The following INSM1 variants were observed in gnomAD, a reference collection of about 807,000 sequenced individuals.
The protein encoded by INSM1 is INSM transcriptional repressor 1.
A neutral mutation model predicts 21.1 loss-of-function variants in INSM1; 11 were observed. That is an observed-to-expected ratio of 0.52 (90% CI 0.33 to 0.86). The LOEUF (loss-of-function observed/expected upper bound fraction) is 0.86, where lower values mean the gene tolerates loss of function less well. INSM1 is among the 40% of genes least tolerant of loss of function. The pLI is 0.03. For synonymous variants in INSM1, 473 were observed against 386.1 expected (o/e 1.23, Z -2.64); for missense variants, 843 against 760.1 (o/e 1.11, Z -1.28).
chr20:20,368,984 C>T lies in INSM1; in HGVS notation c.717C>T (p.Pro239=). ...TCGAGGACGAGGTGACCACGTCGCC[C>T]GTGCTGGGGCTCAAGATCAAGGAGG... The part of the protein sequence containing the change: ...LHFEDEVTTS[P]VLGLKIKEGP... The change falls in exon 1 of 1, where the codon CCC becomes CCT. Residue 239 remains proline (P), a synonymous_variant. Transcript: ENST00000310227. This position sits in a 1 kb window ranked among gnomAD's most constrained non-coding sequence, Gnocchi z 4.3. The T allele has an allele frequency of 1.3e-6, 2 of 1,548,350 alleles. No homozygotes were observed. Among genetic ancestry groups the T allele is most frequent in the Non-Finnish European group, 1.7e-6 (2 of 1,150,032 alleles).
Position 20,368,239 on chromosome 20 carries a change from C to G in INSM1, c.-29C>G. 12 of 1,168,560 alleles carry G rather than the reference C, an allele frequency of 1.0e-5. No homozygotes were observed. The highest frequency in any genetic ancestry group is 1.3e-5 in the Non-Finnish European group (12 of 940,146). The allele number at this position is 1,168,560 out of a possible 1,614,324, so 72.4% of individuals were successfully genotyped here. Reference sequence around the variant, plus strand: ...GGCCGAGCGCGGAGGGGGGACCGAGCCAGTGCCGTGCCCTCGGGCCGCGCC... The same window carrying G: ...GGCCGAGCGCGGAGGGGGGACCGAGGCAGTGCCGTGCCCTCGGGCCGCGCC... On this transcript the variant is annotated 5_prime_UTR_variant, in exon 1 of 1. Transcript: ENST00000310227. This position sits in a 1 kb window ranked among gnomAD's most constrained non-coding sequence, Gnocchi z 4.3.
chr20:20,369,431 G>C lies in INSM1; in HGVS notation c.1164G>C (p.Ala388=), dbSNP rs538411838. The change falls in exon 1 of 1, where the codon GCG becomes GCC. Residue 388 remains alanine, a synonymous_variant. Coordinates refer to ENST00000310227, the MANE Select transcript of INSM1 (RefSeq NM_002196.3). The surrounding 1 kb of genome is among the most constrained non-coding windows in gnomAD (Gnocchi z 5.6). ...CCTACCTACGCAAGCACCTGCTGGC[G>C]CACCACCAGGCGCTGCAGGCCAAGG... ...RQAYLRKHLL[A]HHQALQAKGA... 3 of 1,545,440 alleles carry C rather than the reference G, an allele frequency of 1.9e-6. No individual in the cohort carries two copies. Among genetic ancestry groups the C allele is most frequent in the African/African-American group, 1.4e-5 (1 of 71,266 alleles).
In INSM1 at chr20:20,369,121, A is replaced by G; in HGVS notation, c.854A>G (p.His285Arg). The change falls in exon 1 of 1, where the codon CAC becomes CGC. Residue 285 changes from histidine (H) to arginine (R), a missense_variant. Physicochemically the swap from His to Arg is conservative, Grantham distance 29. Coordinates refer to ENST00000310227, the MANE Select transcript of INSM1 (RefSeq NM_002196.3). The surrounding 1 kb of genome is among the most constrained non-coding windows in gnomAD (Gnocchi z 5.6). ...EYADPFALAQ[H>R]KCSRIVRVEY... ...GCCGACCCGTTCGCGCTGGCGCAGC[A>G]CAAATGCTCGCGCATCGTGCGTGTG... is the stretch of plus-strand genomic sequence containing the variant. The G allele has an allele frequency of 6.3e-7, 1 of 1,586,302 alleles. No individual in the cohort carries two copies. Among genetic ancestry groups the G allele is most frequent in the Non-Finnish European group, 8.5e-7 (1 of 1,171,756 alleles).
chr20:20,370,835 T>C lies in INSM1; in HGVS notation c.*1035T>C, dbSNP rs1485699969. 1 of 167,068 alleles carries C rather than the reference T, an allele frequency of 6.0e-6. No individual in the cohort carries two copies. The highest frequency in any genetic ancestry group is 2.1e-4 in the South Asian group (1 of 4,830). 10.3% of individuals were successfully genotyped at this position (167,068 alleles called of 1,614,324 possible). On this transcript the variant is annotated 3_prime_UTR_variant, in exon 1 of 1. Coordinates refer to ENST00000310227, the MANE Select transcript of INSM1 (RefSeq NM_002196.3). ...CGACAGCTCTTACTTTTAAATGCAA[T>C]CTCTTTTCTACATACATTATTTTCT...
In INSM1 at chr20:20,369,906, C is replaced by T. The variant is rs1952655979; in HGVS notation, c.*106C>T. On this transcript the variant is annotated 3_prime_UTR_variant, in exon 1 of 1. Transcript: ENST00000310227. The surrounding 1 kb of genome is among the most constrained non-coding windows in gnomAD (Gnocchi z 5.6). ...CCGAGTCCGCGCTGGGGGAGCCTCG[C>T]CCCCGCCCCCACCGGGTGAAAGTGT... The T allele has an allele frequency of 2.1e-6, 2 of 931,582 alleles. No individual in the cohort carries two copies. Among genetic ancestry groups the T allele is most frequent in the African/African-American group, 1.7e-5 (1 of 58,094 alleles). 57.7% of individuals were successfully genotyped at this position (931,582 alleles called of 1,614,324 possible).
At position 20,369,818 on chromosome 20, in the gene INSM1, G is replaced by T. The variant is rs751593238; in HGVS notation, c.*18G>T. ...CCTGCTAGAGCGCGCCCTCCACCCC[G>T]GCCCCCGAACTGTGCCTTCGCTTGG... On this transcript the variant is annotated 3_prime_UTR_variant, in exon 1 of 1. Coordinates refer to ENST00000310227, the MANE Select transcript of INSM1 (RefSeq NM_002196.3). The surrounding 1 kb of genome is among the most constrained non-coding windows in gnomAD (Gnocchi z 5.6). The T allele has an allele frequency of 6.4e-7, 1 of 1,571,098 alleles. No individual in the cohort carries two copies. Among genetic ancestry groups the T allele is most frequent in the Non-Finnish European group, 8.6e-7 (1 of 1,157,734 alleles).
rs1219779434 is a variant in INSM1 at position 20,368,801 on chromosome 20, G to A, written c.534G>A (p.Glu178=). The A allele has an allele frequency of 3.7e-6, 4 of 1,094,910 alleles. No homozygotes were observed. The highest frequency in any genetic ancestry group is 2.3e-6 in the Non-Finnish European group (2 of 879,976). 67.8% of individuals were successfully genotyped at this position (1,094,910 alleles called of 1,614,324 possible). The change falls in exon 1 of 1, where the codon GAG becomes GAA. Residue 178 remains glutamate, a synonymous_variant. Transcript: ENST00000310227. The surrounding 1 kb of genome is among the most constrained non-coding windows in gnomAD (Gnocchi z 4.3). Reference sequence around the variant, plus strand: ...GCACGGCGTTCTCGGCTGGCGCCGAGGCGGCCCGCGGCCCGGGCCCCGGCC... The same window carrying A: ...GCACGGCGTTCTCGGCTGGCGCCGAAGCGGCCCGCGGCCCGGGCCCCGGCC... ...KMGTAFSAGA[E]AARGPGPGPP... is the part of the protein sequence containing the mutation.
In INSM1 at chr20:20,369,997, C is replaced by G. The variant is rs1266217973; in HGVS notation, c.*197C>G. ...ACTCTCCTTTTGACTCCTTTTGGAA[C>G]CCCCACTTTTACGTTGTGTCCCTCC... On this transcript the variant is annotated 3_prime_UTR_variant, in exon 1 of 1. Transcript: ENST00000310227. The surrounding 1 kb of genome is among the most constrained non-coding windows in gnomAD (Gnocchi z 5.6). The G allele has an allele frequency of 3.6e-6, 2 of 552,828 alleles. No homozygotes were observed. The highest frequency in any genetic ancestry group is 3.7e-5 in the Admixed American group (1 of 27,184). The allele number at this position is 552,828 out of a possible 1,614,324, so 34.2% of individuals were successfully genotyped here. A position where few individuals can be genotyped will look rare whatever the true frequency, so the allele number is the denominator to read the frequency against.
rs1417050211 is a variant in INSM1 at position 20,370,818 on chromosome 20, C to T, written c.*1018C>T. ...CAGGGCCCTTGTACAACCGACAGCT[C>T]TTACTTTTAAATGCAATCTCTTTTC... On this transcript the variant is annotated 3_prime_UTR_variant, in exon 1 of 1. Transcript: ENST00000310227. 6.0e-6 allele frequency: 1 copy of T among 167,018 alleles called. No individual in the cohort carries two copies. The highest frequency in any genetic ancestry group is 2.4e-5 in the African/African-American group (1 of 41,430). 10.3% of individuals were successfully genotyped at this position (167,018 alleles called of 1,614,324 possible).
Position 20,368,750 on chromosome 20 carries a change from C to T in INSM1, c.483C>T (p.Leu161=), listed in dbSNP as rs2059486173. ...GGGTCGGDPL[L]FAPAELKMGT... ...GCACCTGCGGCGGCGACCCGCTGCT[C>T]TTCGCGCCCGCCGAGCTCAAGATGG... The change falls in exon 1 of 1, where the codon CTC becomes CTT. Residue 161 remains leucine (L), a synonymous_variant. Coordinates refer to ENST00000310227, the MANE Select transcript of INSM1 (RefSeq NM_002196.3). This position sits in a 1 kb window ranked among gnomAD's most constrained non-coding sequence, Gnocchi z 4.3. 3.4e-6 allele frequency: 4 copies of T among 1,162,722 alleles called. No homozygotes were observed. In the Admixed American group the frequency reaches 1.9e-4, roughly 55 times the overall value. 72.0% of individuals were successfully genotyped at this position (1,162,722 alleles called of 1,614,324 possible). A position where few individuals can be genotyped will look rare whatever the true frequency, so the allele number is the denominator to read the frequency against.
In INSM1 at chr20:20,369,905, G is replaced by T; in HGVS notation, c.*105G>T. 1 of 922,670 alleles carries T rather than the reference G, an allele frequency of 1.1e-6. No homozygotes were observed. Among genetic ancestry groups the T allele is most frequent in the Non-Finnish European group, 1.6e-6 (1 of 627,486 alleles). 57.2% of individuals were successfully genotyped at this position (922,670 alleles called of 1,614,324 possible). On this transcript the variant is annotated 3_prime_UTR_variant, in exon 1 of 1. Coordinates refer to ENST00000310227, the MANE Select transcript of INSM1 (RefSeq NM_002196.3). The surrounding 1 kb of genome is among the most constrained non-coding windows in gnomAD (Gnocchi z 5.6). ...CCCGAGTCCGCGCTGGGGGAGCCTC[G>T]CCCCCGCCCCCACCGGGTGAAAGTG...
Position 20,369,978 on chromosome 20 carries a change from CT to C in INSM1, c.*182del. 1.7e-6 allele frequency: 1 copy of C among 586,096 alleles called. No homozygotes were observed. The allele number at this position is 586,096 out of a possible 1,614,324, so 36.3% of individuals were successfully genotyped here. On this transcript the variant is annotated 3_prime_UTR_variant, in exon 1 of 1. Coordinates refer to ENST00000310227, the MANE Select transcript of INSM1 (RefSeq NM_002196.3). This position sits in a 1 kb window ranked among gnomAD's most constrained non-coding sequence, Gnocchi z 5.6. Reference sequence around the variant, plus strand: ...GGCGTGACGGTAACCCCATACTCTCCTTTTGACTCCTTTTGGAACCCCCACT... The same window carrying C: ...GGCGTGACGGTAACCCCATACTCTCCTTTGACTCCTTTTGGAACCCCCACT...
rs780192370 is a variant in INSM1, at chr20:20,369,530, G to A, written c.1263G>A (p.Glu421=). 4 of 1,559,636 alleles carry A rather than the reference G, an allele frequency of 2.6e-6. No individual in the cohort carries two copies. In the Admixed American group the frequency reaches 7.5e-5, roughly 29 times the overall value. ...GGCCCGACGAGAAGGCGCCCCAGGA[G>A]GCGGCCGGCGACGGCGAGGGGGCCG... The part of the protein sequence containing the change: ...YPGPDEKAPQ[E]AAGDGEGAGV... Residue 421 remains glutamate, a synonymous_variant, in exon 1 of 1, where the codon GAG becomes GAA. Coordinates refer to ENST00000310227, the MANE Select transcript of INSM1 (RefSeq NM_002196.3). The surrounding 1 kb of genome is among the most constrained non-coding windows in gnomAD (Gnocchi z 5.6).
Position 20,369,032 on chromosome 20 carries a change from C to T in INSM1, c.765C>T (p.Gly255=). 1.3e-6 allele frequency: 2 copies of T among 1,530,942 alleles called. No homozygotes were observed. Among genetic ancestry groups the T allele is most frequent in the Non-Finnish European group, 1.7e-6 (2 of 1,144,930 alleles). 94.8% of individuals were successfully genotyped at this position (1,530,942 alleles called of 1,614,324 possible). Residue 255 remains glycine, a synonymous_variant, in exon 1 of 1, where the codon GGC becomes GGT. Transcript: ENST00000310227. The surrounding 1 kb of genome is among the most constrained non-coding windows in gnomAD (Gnocchi z 5.6). The part of the protein sequence containing the change: ...IKEGPVEAPR[G]RAGGAARPLG... ...AGGGCCCGGTGGAGGCGCCGCGGGG[C>T]CGCGCGGGGGGCGCGGCGCGGCCGC...
Position 20,369,485 on chromosome 20 carries a change from C to G in INSM1, c.1218C>G (p.Asp406Glu). The G allele has an allele frequency of 6.5e-7, 1 of 1,538,516 alleles. No individual in the cohort carries two copies. The highest frequency in any genetic ancestry group is 8.7e-7 in the Non-Finnish European group (1 of 1,151,602). The change falls in exon 1 of 1, where the codon GAC becomes GAG. Residue 406 changes from aspartate (D) to glutamate (E), a missense_variant. Coordinates refer to ENST00000310227, the MANE Select transcript of INSM1 (RefSeq NM_002196.3). The surrounding 1 kb of genome is among the most constrained non-coding windows in gnomAD (Gnocchi z 5.6). The part of the protein sequence containing the change: ...KGAPLAPPAE[D>E]LLALYPGPDE... ...CGCCGCTAGCGCCCCCGGCCGAGGA[C>G]CTACTGGCCTTGTACCCCGGGCCCG...
chr20:20,369,740 C>T lies in INSM1; in HGVS notation c.1473C>T (p.Cys491=). 1 of 1,602,852 alleles carries T rather than the reference C, an allele frequency of 6.2e-7. No homozygotes were observed. Among genetic ancestry groups the T allele is most frequent in the Non-Finnish European group, 8.5e-7 (1 of 1,179,446 alleles). Residue 491 remains cysteine (C), a synonymous_variant, in exon 1 of 1, where the codon TGC becomes TGT. Coordinates refer to ENST00000310227, the MANE Select transcript of INSM1 (RefSeq NM_002196.3). The surrounding 1 kb of genome is among the most constrained non-coding windows in gnomAD (Gnocchi z 5.6). Reference sequence around the variant, plus strand: ...GCCTTACGCGGCACATCAACAAGTGCCACCCATCCGAAAACAGACAGGTGA... The same window carrying T: ...GCCTTACGCGGCACATCAACAAGTGTCACCCATCCGAAAACAGACAGGTGA... The part of the protein sequence containing the change: ...SPGLTRHINK[C]HPSENRQVIL...
rs1432649562 is a variant in INSM1, at chr20:20,369,375, C to T, written c.1108C>T (p.His370Tyr). The T allele has an allele frequency of 1.9e-6, 3 of 1,545,200 alleles. No homozygotes were observed. Among genetic ancestry groups the T allele is most frequent in the Non-Finnish European group, 1.7e-6 (2 of 1,157,340 alleles). The change falls in exon 1 of 1, where the codon CAT becomes TAT. Residue 370 changes from histidine to tyrosine, a missense_variant. Coordinates refer to ENST00000310227, the MANE Select transcript of INSM1 (RefSeq NM_002196.3). The surrounding 1 kb of genome is among the most constrained non-coding windows in gnomAD (Gnocchi z 5.6). ...CTCCGAGGACGGGCTCTACGAGTGCCATCACTGCGCCAAGAAGTTCCGCCG... is the reference window on the plus strand; with the variant it reads ...CTCCGAGGACGGGCTCTACGAGTGCTATCACTGCGCCAAGAAGTTCCGCCG... Reference protein sequence around the residue: ...SGSEDGLYECHHCAKKFRRQA... With the variant: ...SGSEDGLYECYHCAKKFRRQA...
chr20:20,369,677 C>G lies in INSM1; in HGVS notation c.1410C>G (p.Pro470=), dbSNP rs1240520542. The G allele has an allele frequency of 6.2e-7, 1 of 1,600,598 alleles. No homozygotes were observed. ...TGCTGCACGCCGCCCAGGTGTTCCC[C>G]TGCAAGTACTGCCCGGCCACCTTCT... is the stretch of plus-strand genomic sequence containing the variant. ...LRLLHAAQVF[P]CKYCPATFYS... The change falls in exon 1 of 1, where the codon CCC becomes CCG. Residue 470 remains proline, a synonymous_variant. Coordinates refer to ENST00000310227, the MANE Select transcript of INSM1 (RefSeq NM_002196.3). The surrounding 1 kb of genome is among the most constrained non-coding windows in gnomAD (Gnocchi z 5.6).
chr20:20,368,250 C>G lies in INSM1; in HGVS notation c.-18C>G. 8.2e-7 allele frequency: 1 copy of G among 1,213,394 alleles called. No individual in the cohort carries two copies. Among genetic ancestry groups the G allele is most frequent in the South Asian group, 2.0e-5 (1 of 49,466 alleles). The allele number at this position is 1,213,394 out of a possible 1,614,324, so 75.2% of individuals were successfully genotyped here. On this transcript the variant is annotated 5_prime_UTR_variant, in exon 1 of 1. Transcript: ENST00000310227. The surrounding 1 kb of genome is among the most constrained non-coding windows in gnomAD (Gnocchi z 4.3). ...GAGGGGGGACCGAGCCAGTGCCGTG[C>G]CCTCGGGCCGCGCCAACATGCCCCG...
Sources: allele counts gnomAD v4.1 joint callset, GRCh38; gene constraint gnomAD v4.1.1; non-coding constraint Gnocchi (gnomAD v3.1); transcripts MANE v1.5; gene names NCBI Gene and HGNC (gene_info 2026-07-23, HGNC 2026-07-21).